SHISAL1: variants seen among roughly 807,000 people sequenced by gnomAD.
SHISAL1 encodes the protein protein shisa-like-1.
A neutral mutation model predicts 22.6 loss-of-function variants in SHISAL1; 9 were observed. The observed-to-expected ratio is 0.40, with a 90% CI of 0.24 to 0.70. The LOEUF (loss-of-function observed/expected upper bound fraction) is 0.70. SHISAL1 is among the 30% of genes least tolerant of loss of function. SHISAL1 has a pLI of 0.39. For missense variants in SHISAL1, 246 were observed against 270.6 expected, an observed-to-expected ratio of 0.91 and a Z score of 0.64; for synonymous variants, 119 against 115.4, an observed-to-expected ratio of 1.03 and a Z score of -0.20.
intron 3 of SHISAL1, among the ~76,000 whole-genome samples, chr22:44,286,882 C>T (rs2055319571): frequency 6.6e-6 from 1 of 152,244 alleles, no homozygotes; most frequent in Non-Finnish European, 1.5e-5. Flanking sequence ...TCCGGCGCCG[C>T]CTCCGTCTGC....
Position 44,274,984 on chromosome 22 carries a change from C to G in SHISAL1, c.599+10444G>C, listed in dbSNP as rs1232151161. Among the ~76,000 whole-genome samples, 3 of 152,234 alleles carry G rather than the reference C, an allele frequency of 2.0e-5. No individual in the cohort carries two copies. The East Asian group carries it at 5.8e-4, about 29-fold the overall frequency. ...AGGCTCAGGGGAGCTACTGGCTTAC[C>G]TGCAGTTGCCCACTGGCCCGTAGAC... On this transcript the variant is annotated intron_variant, in intron 4 of 4. Transcript: ENST00000381176.
At chr22:44,271,673 C>T (rs192161177) in intron 4 of SHISAL1, among the ~76,000 whole-genome samples, 3 of 152,160 alleles carry the variant, frequency 2.0e-5, no homozygotes, top group Non-Finnish European at 4.4e-5. Context: ...CTTCTCCACT[C>T]GCTCTGCCCT....
chr22:44,267,597 C>T (rs1338994246), intron 4 of SHISAL1, among the ~76,000 whole-genome samples: 1 of 152,194 alleles, frequency 6.6e-6, no homozygotes, highest in Non-Finnish European at 1.5e-5. Context: ...CGAGGGCACC[C>T]CTGTCCCTGG....
At chr22:44,328,127 T>C in the SHISAL1 span, among the ~76,000 whole-genome samples, 1 of 152,224 alleles carries the variant, frequency 6.6e-6, no homozygotes, top group East Asian at 1.9e-4. Flanking sequence ...CAGGCCAGGC[T>C]CTGGGTCAGT....
At chr22:44,324,952 C>G in the SHISAL1 span, among the ~76,000 whole-genome samples, 14 of 152,328 alleles carry the variant, frequency 9.2e-5, no homozygotes, top group Non-Finnish European at 2.1e-4. Context: ...AGCAAAGGCC[C>G]TGCTGGAGGG....
chr22:44,257,241 A>T (rs1196893244), intron 4 of SHISAL1, among the ~76,000 whole-genome samples: 1 of 152,230 alleles, frequency 6.6e-6, no homozygotes, highest in Non-Finnish European at 1.5e-5. Context: ...CAAGGGCAAC[A>T]TAGGTACAAG....
chr22:44,287,829 T>C (rs1011792174), intron 3 of SHISAL1, among the ~76,000 whole-genome samples: 5 of 152,024 alleles, frequency 3.3e-5, no homozygotes, highest in Non-Finnish European at 7.4e-5. Flanking sequence ...TCCCAGGCCC[T>C]CCTGCTTTCC....
the SHISAL1 span, among the ~76,000 whole-genome samples, chr22:44,324,535 G>T: frequency 6.6e-6 from 1 of 152,160 alleles, no homozygotes; most frequent in African/African-American, 2.4e-5. Flanking sequence ...ATACAGAGGC[G>T]GACAAGGCAT....
chr22:44,274,495 ATGTCTCCTCCTCCTGCCCC>A (rs2055226212), intron 4 of SHISAL1, among the ~76,000 whole-genome samples: 1 of 152,186 alleles, frequency 6.6e-6, no homozygotes, highest in Admixed American at 6.5e-5. Flanking sequence ...TTTCTGGAGT[ATGTCTCCTCCTCCTGCCCC>A]CAGGAGAGCT....
chr22:44,310,074 G>A lies in SHISAL1; in HGVS notation c.-33+2677C>T, dbSNP rs1448836973. On this transcript the variant is annotated intron_variant, in intron 1 of 4. Coordinates refer to ENST00000381176, the MANE Select transcript of SHISAL1 (RefSeq NM_001099294.2). The surrounding 1 kb of genome is among the most constrained non-coding windows in gnomAD (Gnocchi z 4.0). ...CTGCAGCTGGGGTGCCGGGCTCCAC[G>A]GCTGACAGTGAGTGAGAAGGGCCAG... Among the ~76,000 whole-genome samples, 3 of 152,130 alleles carry A rather than the reference G, an allele frequency of 2.0e-5. No homozygotes were observed. The highest frequency in any genetic ancestry group is 7.2e-5 in the African/African-American group (3 of 41,428).
At chr22:44,294,348 T>TC (rs1377192693) in intron 3 of SHISAL1, among the ~76,000 whole-genome samples, 1 of 152,006 alleles carries the variant, frequency 6.6e-6, no homozygotes, top group Non-Finnish European at 1.5e-5. Context: ...ACAGGCGGCT[T>TC]CCCCCTGAGT....
At chr22:44,302,414 T>A (rs1278472659) in intron 1 of SHISAL1, among the ~76,000 whole-genome samples, 2 of 148,428 alleles carry the variant, frequency 1.3e-5, no homozygotes, top group East Asian at 2.0e-4. Context: ...TTTGCCACAA[T>A]AAAAAAAAAT....
rs150983132 is a variant in SHISAL1, at chr22:44,276,316, G to A, written c.599+9112C>T. 3.9e-4 allele frequency among the ~76,000 whole-genome samples: 60 copies of A among 152,298 alleles called. 3 individuals are homozygous for A. In the East Asian group the frequency reaches 0.011, roughly 28 times the overall value. On this transcript the variant is annotated intron_variant, in intron 4 of 4. Transcript: ENST00000381176. ...CGGGGCTGGTGTGGCTGCAGCAAGC[G>A]GCAGTGTGGGGAGATGAGGACAGAG...
upstream of SHISAL1, among the ~76,000 whole-genome samples, chr22:44,315,645 T>A (rs1486447117): frequency 6.6e-6 from 1 of 152,214 alleles, no homozygotes; most frequent in African/African-American, 2.4e-5. Context: ...GGTGGCCCCA[T>A]GTCACCTGGG....
At chr22:44,305,688 G>A (rs548598336) in intron 1 of SHISAL1, among the ~76,000 whole-genome samples, 67 of 152,332 alleles carry the variant, frequency 4.4e-4, no homozygotes, top group African/African-American at 1.6e-3. Flanking sequence ...GCCACAGCAC[G>A]CTGTGGTTGC....
intron 2 of SHISAL1, among the ~76,000 whole-genome samples, chr22:44,300,086 C>T (rs1167641756): frequency 6.7e-6 from 1 of 148,896 alleles, no homozygotes; most frequent in Non-Finnish European, 1.5e-5. Context: ...GAAAGACAGA[C>T]AGAGACAGAC....
intron 1 of SHISAL1, among the ~76,000 whole-genome samples, chr22:44,307,677 A>T (rs1283608111): frequency 1.3e-5 from 2 of 152,000 alleles, no homozygotes; most frequent in Non-Finnish European, 2.9e-5. Context: ...TCTGCGGGCC[A>T]CCCCTCCGGT....
At position 44,249,163 on chromosome 22, in the gene SHISAL1, G is replaced by C. The variant is rs912852591; in HGVS notation, c.*522C>G. On this transcript the variant is annotated 3_prime_UTR_variant, in exon 5 of 5. Transcript: ENST00000381176. ...GTGACTCATGCCCATCAGAGAACTT[G>C]AGGGGGGAAGCCCCAATAAAAACCA... 6.6e-6 allele frequency: 1 copy of C among 152,446 alleles called. No individual in the cohort carries two copies. The highest frequency in any genetic ancestry group is 1.5e-5 in the Non-Finnish European group (1 of 68,534). 9.4% of individuals were successfully genotyped at this position (152,446 alleles called of 1,614,324 possible).
intron 4 of SHISAL1, among the ~76,000 whole-genome samples, chr22:44,261,663 T>TC (rs2055125364): frequency 6.6e-6 from 1 of 152,230 alleles, no homozygotes; most frequent in South Asian, 2.1e-4. Context: ...GAATGCTTCC[T>TC]CATTGCACAG....
Sources: allele counts gnomAD v4.1 joint callset (sites outside exome capture counted in the v4.1 genomes callset), GRCh38; gene constraint gnomAD v4.1.1; non-coding constraint Gnocchi (gnomAD v3.1); transcripts MANE v1.5; gene names NCBI Gene and HGNC (gene_info 2026-07-23, HGNC 2026-07-21).